SIRPA: variants seen among roughly 807,000 people sequenced by gnomAD.
SIRPA encodes the protein signal regulatory protein alpha.
In SIRPA, 9 loss-of-function variants were observed where a neutral mutation model predicts 50.3. The ratio of observed to expected loss-of-function variants is 0.18; its 90% confidence interval spans 0.11 to 0.31. The LOEUF (loss-of-function observed/expected upper bound fraction) is 0.31. SIRPA is among the 10% of genes least tolerant of loss of function. SIRPA has a pLI of 1.00. For missense variants in SIRPA, 474 were observed against 661.6 expected (o/e 0.72, Z 3.11); for synonymous variants, 265 against 284.1 (o/e 0.93, Z 0.68).
intron 5 of SIRPA, among the ~76,000 whole-genome samples, chr20:1,925,197 C>T (rs145779570): frequency 5.1e-4 from 78 of 152,292 alleles, no homozygotes; most frequent in Middle Eastern, 6.8e-3. Flanking sequence ...GGGAGGACAT[C>T]GTCTTTCCCA....
chr20:1,909,328 C>T (rs1384652593), intron 1 of SIRPA, among the ~76,000 whole-genome samples: 1 of 152,220 alleles, frequency 6.6e-6, no homozygotes, highest in Non-Finnish European at 1.5e-5. Flanking sequence ...AGTGAGCACC[C>T]GCCTGGGCAA....
chr20:1,919,953 G>A (rs1985546172), intron 2 of SIRPA, among the ~76,000 whole-genome samples: 1 of 151,900 alleles, frequency 6.6e-6, no homozygotes, highest in Admixed American at 6.6e-5. Context: ...TGTAGATTCG[G>A]AAGCAGTAAT....
chr20:1,899,646 G>C (rs1001376750), intron 1 of SIRPA, among the ~76,000 whole-genome samples: 11 of 151,976 alleles, frequency 7.2e-5, no homozygotes, highest in Admixed American at 6.6e-4. Flanking sequence ...CTCATCCTCC[G>C]AGGTTCAATT....
In SIRPA at chr20:1,933,296, A is replaced by G. The variant is rs966920255; in HGVS notation, c.1227-1419A>G. Reference sequence around the variant, plus strand: ...AGCAGAGCCATCACAAGGTGACACCATAGTTGAGTCTTGAAGGAAACAGGA... The same window carrying G: ...AGCAGAGCCATCACAAGGTGACACCGTAGTTGAGTCTTGAAGGAAACAGGA... On this transcript the variant is annotated intron_variant, in intron 6 of 7. Transcript: ENST00000358771. The surrounding 1 kb of genome is among the most constrained non-coding windows in gnomAD (Gnocchi z 4.4). Among the ~76,000 whole-genome samples the G allele has an allele frequency of 1.3e-5, 2 of 152,198 alleles. No homozygotes were observed. The highest frequency in any genetic ancestry group is 2.9e-5 in the Non-Finnish European group (2 of 68,030).
At chr20:1,909,750 C>T (rs1048633477) in intron 1 of SIRPA, among the ~76,000 whole-genome samples, 1 of 152,102 alleles carries the variant, frequency 6.6e-6, no homozygotes, top group Non-Finnish European at 1.5e-5. Context: ...CCATTGCACT[C>T]CAGCCTGGGT....
Position 1,933,694 on chromosome 20 carries a change from T to C in SIRPA, c.1227-1021T>C, listed in dbSNP as rs1277154431. On this transcript the variant is annotated intron_variant, in intron 6 of 7. Transcript: ENST00000358771. This position sits in a 1 kb window ranked among gnomAD's most constrained non-coding sequence, Gnocchi z 4.4. ...TTCAGAGCCAAGCACTCATGCCAAATCCATTAATAACCCTGCTGCCAAGCC... is the reference window on the plus strand; with the variant it reads ...TTCAGAGCCAAGCACTCATGCCAAACCCATTAATAACCCTGCTGCCAAGCC... Among the ~76,000 whole-genome samples the C allele has an allele frequency of 6.6e-6, 1 of 152,120 alleles. No individual in the cohort carries two copies. Among genetic ancestry groups the C allele is most frequent in the Non-Finnish European group, 1.5e-5 (1 of 68,012 alleles).
At chr20:1,903,024 A>G (rs1453181373) in intron 1 of SIRPA, among the ~76,000 whole-genome samples, 1 of 132,818 alleles carries the variant, frequency 7.5e-6, no homozygotes, top group Non-Finnish European at 1.6e-5. Flanking sequence ...AAAAAAAAAA[A>G]AAAAAAAAGA....
chr20:1,897,900 C>T lies in SIRPA; in HGVS notation c.79+2374C>T, dbSNP rs146684971. Reference sequence around the variant, plus strand: ...TTGGACCCAATGTGAGGCCTGTTTCCTAAAACAACTGCACTGAGGGAGATT... The same window carrying T: ...TTGGACCCAATGTGAGGCCTGTTTCTTAAAACAACTGCACTGAGGGAGATT... On this transcript the variant is annotated intron_variant, in intron 1 of 7. Transcript: ENST00000358771. Among the ~76,000 whole-genome samples the T allele has an allele frequency of 6.0e-3, 915 of 152,318 alleles. 5 individuals are homozygous for T. Among genetic ancestry groups the T allele is most frequent in the African/African-American group, 0.021 (886 of 41,560 alleles).
rs1298920748 is a variant in SIRPA, at chr20:1,933,288, G to A, written c.1227-1427G>A. The stretch of plus-strand genomic sequence containing the variant: ...GCACTGTCAGCAGAGCCATCACAAG[G>A]TGACACCATAGTTGAGTCTTGAAGG... On this transcript the variant is annotated intron_variant, in intron 6 of 7. Transcript: ENST00000358771. The surrounding 1 kb of genome is among the most constrained non-coding windows in gnomAD (Gnocchi z 4.4). 6.6e-6 allele frequency among the ~76,000 whole-genome samples: 1 copy of A among 152,206 alleles called. No individual in the cohort carries two copies. The highest frequency in any genetic ancestry group is 1.5e-5 in the Non-Finnish European group (1 of 68,026).
In SIRPA at chr20:1,924,336, C is replaced by G. The variant is rs554324629; in HGVS notation, c.1088-428C>G. 6.6e-6 allele frequency among the ~76,000 whole-genome samples: 1 copy of G among 152,196 alleles called. No homozygotes were observed. The highest frequency in any genetic ancestry group is 1.5e-5 in the Non-Finnish European group (1 of 68,026). ...GCCCAGGTGCTGGGCACAGACCGGT[C>G]GTCAGCCCCTGAGCTGTGCAGAGCC... On this transcript the variant is annotated intron_variant, in intron 4 of 7. Transcript: ENST00000358771. This position sits in a 1 kb window ranked among gnomAD's most constrained non-coding sequence, Gnocchi z 4.5.
In SIRPA at chr20:1,933,917, T is replaced by G. The variant is rs1986431641; in HGVS notation, c.1227-798T>G. ...TTTGATTAACTTGGACATCTTGGTC[T>G]TTTTCTTTTCTTTCTTTAATGATGA... On this transcript the variant is annotated intron_variant, in intron 6 of 7. Transcript: ENST00000358771. This position sits in a 1 kb window ranked among gnomAD's most constrained non-coding sequence, Gnocchi z 4.4. Among the ~76,000 whole-genome samples, 3 of 152,308 alleles carry G rather than the reference T, an allele frequency of 2.0e-5. No homozygotes were observed. Among genetic ancestry groups the G allele is most frequent in the Non-Finnish European group, 4.4e-5 (3 of 68,032 alleles).
intron 1 of SIRPA, among the ~76,000 whole-genome samples, chr20:1,907,178 A>G (rs966715613): frequency 3.3e-5 from 5 of 152,038 alleles, no homozygotes; most frequent in South Asian, 2.1e-4. Context: ...AGAGCTACCC[A>G]GGGCAAGGGT....
chr20:1,936,221 T>C lies in SIRPA; in HGVS notation c.1267-1099T>C, dbSNP rs1986566093. ...GGCCAGTCACAGAGGGAGCAAAGTTTATCATTCATGATGGGCGCTTTTGAG... is the reference window on the plus strand; with the variant it reads ...GGCCAGTCACAGAGGGAGCAAAGTTCATCATTCATGATGGGCGCTTTTGAG... On this transcript the variant is annotated intron_variant, in intron 7 of 7. Coordinates refer to ENST00000358771, the MANE Select transcript of SIRPA (RefSeq NM_001040023.2). The surrounding 1 kb of genome is among the most constrained non-coding windows in gnomAD (Gnocchi z 4.2). Among the ~76,000 whole-genome samples the C allele has an allele frequency of 1.3e-5, 2 of 152,220 alleles. No homozygotes were observed. The highest frequency in any genetic ancestry group is 1.3e-4 in the Admixed American group (2 of 15,282).
Position 1,928,731 on chromosome 20 carries a change from T to C in SIRPA, c.1226+832T>C, listed in dbSNP as rs1022114056. On this transcript the variant is annotated intron_variant, in intron 6 of 7. Coordinates refer to ENST00000358771, the MANE Select transcript of SIRPA (RefSeq NM_001040023.2). This position sits in a 1 kb window ranked among gnomAD's most constrained non-coding sequence, Gnocchi z 4.9. ...TGAGCTATGTTGGACAGGAGCATGC[T>C]GGGCCAGAGAGGAGGCCTGTGTGCT... Among the ~76,000 whole-genome samples, 4 of 152,032 alleles carry C rather than the reference T, an allele frequency of 2.6e-5. No homozygotes were observed. The highest frequency in any genetic ancestry group is 9.7e-5 in the African/African-American group (4 of 41,382).
At chr20:1,922,254 G>C in intron 3 of SIRPA, 59 bp from the exon 4 acceptor site, 1 of 1,605,832 alleles carries the variant, frequency 6.2e-7, no homozygotes, top group South Asian at 1.1e-5. Context: ...ACGTTATGGA[G>C]CCCTCCCTGT....
At chr20:1,911,264 A>G (rs1228594284) in intron 1 of SIRPA, among the ~76,000 whole-genome samples, 1 of 152,158 alleles carries the variant, frequency 6.6e-6, no homozygotes, top group African/African-American at 2.4e-5. Context: ...ATGTCTGCAC[A>G]TATTCTTAGT....
intron 1 of SIRPA, among the ~76,000 whole-genome samples, chr20:1,907,491 T>G (rs1984616669): frequency 6.6e-6 from 1 of 152,172 alleles, no homozygotes; most frequent in South Asian, 2.1e-4. Flanking sequence ...TCCTGTCACC[T>G]CTGCGTCTTT....
intron 1 of SIRPA, among the ~76,000 whole-genome samples, chr20:1,906,206 C>T (rs990024048): frequency 9.9e-5 from 15 of 152,116 alleles, no homozygotes; most frequent in Non-Finnish European, 2.2e-4. Flanking sequence ...GCGAGACATT[C>T]CCTGGAGTCT....
chr20:1,901,163 C>CTT (rs869181595), intron 1 of SIRPA, among the ~76,000 whole-genome samples: 1,017 of 78,766 alleles, frequency 0.013, 3 homozygotes, highest in Middle Eastern at 0.028. Flanking sequence ...TTCTTTCTTT[C>CTT]TTTTTTTTTT....
Sources: gnomAD v4.1 joint callset for allele counts (sites outside exome capture counted in the v4.1 genomes callset) on GRCh38, gnomAD v4.1.1 for gene constraint, Gnocchi (gnomAD v3.1) non-coding constraint, MANE v1.5 for transcripts, NCBI Gene and HGNC (gene_info 2026-07-23, HGNC 2026-07-21) for gene names.